The following CEP162 variants were observed in gnomAD, a reference collection of about 807,000 sequenced individuals.
CEP162 encodes centrosomal protein 162.
In CEP162, 141 loss-of-function variants were observed where a neutral mutation model predicts 169.2. That is an observed-to-expected ratio of 0.83 (90% confidence interval 0.73 to 0.96). CEP162 has a LOEUF of 0.96. CEP162 is among the 40% of genes least tolerant of loss of function. The pLI, the probability that CEP162 is intolerant of heterozygous loss-of-function variation, is 0.00. For missense variants in CEP162, 1,600 were observed against 1,587.2 expected, an observed-to-expected ratio of 1.01 and a Z score of -0.14; for synonymous variants, 540 against 526.4, an observed-to-expected ratio of 1.03 and a Z score of -0.35.
chr6:84,210,122 A>T (rs1213631973), intron 6 of CEP162, among the ~76,000 whole-genome samples: 4 of 152,232 alleles, frequency 2.6e-5, no homozygotes, highest in Non-Finnish European at 4.4e-5. Context: ...ATTTACTTGT[A>T]CCACTCTGAC....
chr6:84,212,500 G>A (rs1054641915), intron 6 of CEP162, among the ~76,000 whole-genome samples: 3 of 151,882 alleles, frequency 2.0e-5, no homozygotes, highest in African/African-American at 7.2e-5. Flanking sequence ...GACATATATT[G>A]TGACTCATAG....
At chr6:84,145,815 T>C (rs1002296974) in intron 25 of CEP162, among the ~76,000 whole-genome samples, 1 of 152,174 alleles carries the variant, frequency 6.6e-6, no homozygotes, top group Non-Finnish European at 1.5e-5. Flanking sequence ...TAACTAGACA[T>C]ACTCAAACTG....
At chr6:84,173,950 G>A (rs1241422361) in intron 16 of CEP162, 98 bp downstream of exon 16, 3 of 959,228 alleles carry the variant, frequency 3.1e-6, no homozygotes, top group Non-Finnish European at 4.7e-6. Flanking sequence ...CTCCCAAAGT[G>A]CTGGGATTAC....
intron 2 of CEP162, among the ~76,000 whole-genome samples, chr6:84,225,516 G>A (rs955823211): frequency 6.6e-6 from 1 of 152,160 alleles, no homozygotes; most frequent in African/African-American, 2.4e-5. Flanking sequence ...TTTATGAGGT[G>A]CATGACTGTA....
chr6:84,177,738 T>C (rs1030523490), intron 13 of CEP162, among the ~76,000 whole-genome samples: 9 of 152,182 alleles, frequency 5.9e-5, no homozygotes, highest in Admixed American at 4.6e-4. Flanking sequence ...AGTTTTACCA[T>C]GTTGGCCAGG....
At chr6:84,190,043 A>G (rs1194118486) in intron 11 of CEP162, among the ~76,000 whole-genome samples, 1 of 151,832 alleles carries the variant, frequency 6.6e-6, no homozygotes, top group Non-Finnish European at 1.5e-5. Flanking sequence ...AAGGTTTGTG[A>G]CTGCACCAAT....
rs1233544842 is a variant in CEP162, at chr6:84,153,130, T to C, written c.3044A>G (p.Lys1015Arg). Residue 1015 changes from lysine to arginine, a missense_variant, in exon 23 of 27, where the codon AAA becomes AGA. Lys to Arg is a conservative substitution (Grantham distance 26, BLOSUM62 2). Transcript: ENST00000403245. ...TCTGGGAGAGTCATGTTGATTCAAT[T>C]TGCAGGCAAGTAGCTGCTCCTGCTG... ...LEQQEQLLAC[K>R]LNQHDSPRIK... The C allele has an allele frequency of 1.9e-6, 3 of 1,610,070 alleles. No homozygotes were observed. The highest frequency in any genetic ancestry group is 2.2e-5 in the East Asian group (1 of 44,834).
At chr6:84,211,662 TA>T (rs1396654106) in intron 6 of CEP162, among the ~76,000 whole-genome samples, 3 of 151,744 alleles carry the variant, frequency 2.0e-5, no homozygotes, top group African/African-American at 7.2e-5. Flanking sequence ...AAAAAGTTTT[TA>T]AAAAATGGAA....
rs150298505 is a variant in CEP162 at position 84,159,112 on chromosome 6, T to C, written c.2781+1700A>G. Among the ~76,000 whole-genome samples, 962 of 151,750 alleles carry C rather than the reference T, an allele frequency of 6.3e-3. 5 individuals are homozygous for C. Among genetic ancestry groups the C allele is most frequent in the African/African-American group, 0.022 (921 of 41,494 alleles). On this transcript the variant is annotated intron_variant, in intron 21 of 26. Transcript: ENST00000403245. Reference sequence around the variant, plus strand: ...ACTAATTATAATTATTCTGAATATATTGTGATATACCTTGATTAAAAAATA... The same window carrying C: ...ACTAATTATAATTATTCTGAATATACTGTGATATACCTTGATTAAAAAATA...
intron 25 of CEP162, among the ~76,000 whole-genome samples, chr6:84,132,099 G>A (rs549166879): frequency 1.3e-5 from 2 of 152,268 alleles, no homozygotes; most frequent in South Asian, 2.1e-4. Context: ...CTTCACTTAC[G>A]AAGCTTAGTT....
rs377377654 is a variant in CEP162 at position 84,221,165 on chromosome 6, C to T, written c.64G>A (p.Asp22Asn). The T allele has an allele frequency of 1.4e-6, 2 of 1,445,346 alleles. No individual in the cohort carries two copies. The highest frequency in any genetic ancestry group is 1.7e-5 in the Admixed American group (1 of 59,260). 89.5% of individuals were successfully genotyped at this position (1,445,346 alleles called of 1,614,324 possible). Reference protein sequence around the residue: ...EFEQFMKELSDDSFENSDKTA... With the variant: ...EFEQFMKELSNDSFENSDKTA... ...TTGTCTGAATTTTCAAAAGAATCAT[C>T]TGAAAGCTGAATTAGATATAAGACA... The change falls in exon 3 of 27, where the codon GAT becomes AAT. Residue 22 changes from aspartate to asparagine, a missense_variant. Coordinates refer to ENST00000403245, the MANE Select transcript of CEP162 (RefSeq NM_014895.4).
At chr6:84,193,093 A>G (rs2099540580) in intron 11 of CEP162, among the ~76,000 whole-genome samples, 1 of 152,232 alleles carries the variant, frequency 6.6e-6, no homozygotes, top group African/African-American at 2.4e-5. Context: ...GCTGTCTATT[A>G]CAAGGTTACT....
At chr6:84,200,645 AT>A in intron 9 of CEP162, 143 bp downstream of exon 9, 1 of 423,134 alleles carries the variant, frequency 2.4e-6, no homozygotes, top group Admixed American at 3.6e-5. Context: ...AATTATTTAA[AT>A]TATTATTATG....
At chr6:84,219,118 T>C (rs769995053) in intron 3 of CEP162, 213 of 1,211,476 alleles carry the variant, frequency 1.8e-4, no homozygotes, top group Non-Finnish European at 2.1e-4. Context: ...TTAAGATTAA[T>C]AATGCATTCC....
intron 8 of CEP162, 110 bp downstream of exon 8, chr6:84,201,627 A>T (rs1431523435): frequency 1.9e-5 from 12 of 618,650 alleles, no homozygotes; most frequent in Non-Finnish European, 3.2e-5. Context: ...TCAATGCCTT[A>T]GAAATATTTA....
chr6:84,193,804 G>A (rs1404078029), intron 10 of CEP162, 114 bp from the exon 11 acceptor site: 2 of 537,726 alleles, frequency 3.7e-6, no homozygotes, highest in Non-Finnish European at 6.6e-6. Context: ...AACGGTACAT[G>A]CAATAAACCT....
At chr6:84,200,360 A>G (rs972799164) in intron 9 of CEP162, among the ~76,000 whole-genome samples, 3 of 152,362 alleles carry the variant, frequency 2.0e-5, no homozygotes, top group Non-Finnish European at 2.9e-5. Flanking sequence ...AAGCTTTAGG[A>G]AAGTCTAGTT....
At position 84,215,306 on chromosome 6, in the gene CEP162, G is replaced by C; in HGVS notation, c.479C>G (p.Ser160Cys). The C allele has an allele frequency of 1.3e-6, 2 of 1,587,992 alleles. No individual in the cohort carries two copies. The highest frequency in any genetic ancestry group is 8.6e-7 in the Non-Finnish European group (1 of 1,163,002). Reference protein sequence around the residue: ...RLNKELDSNDSTHFKALHSNQ... With the variant: ...RLNKELDSNDCTHFKALHSNQ... ...CCTATGTAAAGCTTTAAAATGTGTA[G>C]AGTCATTAGAATCCAATTCCTTATT... Residue 160 changes from serine to cysteine, a missense_variant, in exon 5 of 27, where the codon TCT becomes TGT. By Grantham distance (112) the Ser-to-Cys change is moderately radical (BLOSUM62 -1). Coordinates refer to ENST00000403245, the MANE Select transcript of CEP162 (RefSeq NM_014895.4).
At chr6:84,137,752 T>G (rs1425972095) in intron 25 of CEP162, among the ~76,000 whole-genome samples, 1 of 152,026 alleles carries the variant, frequency 6.6e-6, no homozygotes, top group Non-Finnish European at 1.5e-5. Context: ...AACAATAGAT[T>G]GAAAAATCTA....
Sources: allele counts gnomAD v4.1 joint callset (sites outside exome capture counted in the v4.1 genomes callset), GRCh38; gene constraint gnomAD v4.1.1; transcripts MANE v1.5; gene names NCBI Gene and HGNC (gene_info 2026-07-23, HGNC 2026-07-21).